The following NRIP1 variants were observed in gnomAD, a reference collection of about 807,000 sequenced individuals.
NRIP1 encodes the protein nuclear receptor interacting protein 1.
A neutral mutation model predicts 75.0 loss-of-function variants in NRIP1; 28 were observed. That is an observed-to-expected ratio of 0.37 (90% CI 0.28 to 0.51). The LOEUF (loss-of-function observed/expected upper bound fraction) is 0.51, where lower values mean the gene tolerates loss of function less well. Ranked by LOEUF, NRIP1 falls within the 20% of genes least tolerant of loss-of-function variation. The pLI is 0.92. For synonymous variants in NRIP1, 526 were observed against 487.6 expected (o/e 1.08, Z -1.04); for missense variants, 1,435 against 1,343.7 (o/e 1.07, Z -1.06).
chr21:15,001,150 T>C (rs558318598), intron 3 of NRIP1, among the ~76,000 whole-genome samples: 4 of 152,320 alleles, frequency 2.6e-5, no homozygotes, highest in South Asian at 4.1e-4. Flanking sequence ...TAAAGCTATA[T>C]ACTAGTTTCA....
intron 3 of NRIP1, chr21:15,002,288 C>T (rs1264544206): frequency 1.3e-5 from 2 of 152,178 alleles, no homozygotes; most frequent in African/African-American, 4.8e-5. Flanking sequence ...TTTTCTTTCT[C>T]CTTTGCCTTG....
In NRIP1 at chr21:14,964,434, A is replaced by G. The variant is rs1600797775; in HGVS notation, c.*282T>C. ...AGTTTTACATTTTAATTTATGCCTA[A>G]TATTTATAAAAGAATTTCATTCATA... On this transcript the variant is annotated 3_prime_UTR_variant, in exon 4 of 4. Coordinates refer to ENST00000318948, the MANE Select transcript of NRIP1 (RefSeq NM_003489.4). 3.9e-6 allele frequency: 1 copy of G among 257,500 alleles called. No individual in the cohort carries two copies. 16.0% of individuals were successfully genotyped at this position (257,500 alleles called of 1,614,324 possible).
chr21:15,008,357 T>A (rs2088022890), intron 3 of NRIP1, among the ~76,000 whole-genome samples: 1 of 144,676 alleles, frequency 6.9e-6, no homozygotes, highest in Non-Finnish European at 1.5e-5. Context: ...TTTGTGAAAC[T>A]TTTTTAAACG....
intron 2 of NRIP1, among the ~76,000 whole-genome samples, chr21:15,042,010 A>C (rs2088965843): frequency 6.6e-6 from 1 of 152,190 alleles, no homozygotes; most frequent in African/African-American, 2.4e-5. Flanking sequence ...AATAAATAAT[A>C]ATCTTAAACA....
chr21:14,977,121 A>G lies in NRIP1; in HGVS notation c.-334-8595T>C, dbSNP rs139108645. Among the ~76,000 whole-genome samples, 1,099 of 152,328 alleles carry G rather than the reference A, an allele frequency of 7.2e-3. 44 individuals carry two copies. Among genetic ancestry groups the G allele is most frequent in the Admixed American group, 0.065 (999 of 15,292 alleles). ...ATTCAAGAATAACTCCTAATGGACA[A>G]TATTATTATCTATATTCCACTGTGG... On this transcript the variant is annotated intron_variant, in intron 3 of 3. Transcript: ENST00000318948.
At chr21:15,048,255 T>C (rs1311535062) in intron 1 of NRIP1, among the ~76,000 whole-genome samples, 1 of 151,922 alleles carries the variant, frequency 6.6e-6, no homozygotes, top group Non-Finnish European at 1.5e-5. Context: ...AAACATGCTG[T>C]TGAAAAAATG....
At chr21:15,027,279 G>A (rs759040416) in intron 2 of NRIP1, among the ~76,000 whole-genome samples, 1 of 152,304 alleles carries the variant, frequency 6.6e-6, no homozygotes, top group South Asian at 2.1e-4. Context: ...CTCGATGGTA[G>A]GTTCTTGGCA....
intron 3 of NRIP1, among the ~76,000 whole-genome samples, chr21:14,999,671 G>A (rs953073829): frequency 2.6e-5 from 4 of 152,070 alleles, no homozygotes; most frequent in East Asian, 3.9e-4. Flanking sequence ...TCAGTTAAAC[G>A]AACTCTTTAT....
At chr21:15,014,590 G>A in intron 2 of NRIP1, 124 bp from the exon 3 acceptor site, 1 of 396,204 alleles carries the variant, frequency 2.5e-6, no homozygotes, top group Non-Finnish European at 4.4e-6. Flanking sequence ...GTAGTCATTT[G>A]ACAGAAAAAT....
chr21:14,987,260 A>C (rs1444174351), intron 3 of NRIP1, among the ~76,000 whole-genome samples: 1 of 152,212 alleles, frequency 6.6e-6, no homozygotes, highest in African/African-American at 2.4e-5. Context: ...CCTGGGCTGA[A>C]CAAATGTGGT....
At chr21:15,015,301 T>A (rs974261884) in intron 2 of NRIP1, among the ~76,000 whole-genome samples, 1 of 152,198 alleles carries the variant, frequency 6.6e-6, no homozygotes, top group African/African-American at 2.4e-5. Flanking sequence ...CAAAGAAATA[T>A]CATCTTAATG....
At chr21:15,062,835 A>C (rs1278220673) in intron 1 of NRIP1, among the ~76,000 whole-genome samples, 1 of 152,214 alleles carries the variant, frequency 6.6e-6, no homozygotes, top group Admixed American at 6.5e-5. Flanking sequence ...TAGTCTCTTC[A>C]CACACTTCTT....
At position 14,965,227 on chromosome 21, in the gene NRIP1, G is replaced by A. The variant is rs1476088609; in HGVS notation, c.2966C>T (p.Thr989Ile). The change falls in exon 4 of 4, where the codon ACT (threonine) becomes ATT (isoleucine). Residue 989 changes from threonine to isoleucine, a missense_variant. By Grantham distance (89) the Thr-to-Ile change is moderately conservative. Transcript: ENST00000318948. ...GTTATCCATGCAACTGCTGGGCTGA[G>A]TGGAACTGTACATCAGTCCATTTAA... ...SSLNGLMYSS[T>I]QPSSCMDNRT... The A allele has an allele frequency of 1.2e-6, 2 of 1,613,836 alleles. No homozygotes were observed. The highest frequency in any genetic ancestry group is 3.3e-5 in the Admixed American group (2 of 59,948).
chr21:14,990,979 C>T (rs2087556316), intron 3 of NRIP1, among the ~76,000 whole-genome samples: 2 of 152,178 alleles, frequency 1.3e-5, no homozygotes, highest in African/African-American at 2.4e-5. Flanking sequence ...ACGTGCTTCT[C>T]GTTTCATTTG....
chr21:15,059,469 G>T (rs921862005), intron 1 of NRIP1, among the ~76,000 whole-genome samples: 1 of 151,888 alleles, frequency 6.6e-6, no homozygotes, highest in East Asian at 1.9e-4. Context: ...TTACAAAACT[G>T]TTTACTATTA....
intron 2 of NRIP1, among the ~76,000 whole-genome samples, chr21:15,030,273 G>A (rs545471491): frequency 5.9e-5 from 9 of 152,360 alleles, no homozygotes; most frequent in African/African-American, 1.9e-4. Context: ...TTTGTTGAGT[G>A]AGAAGATACA....
chr21:15,024,055 T>C (rs2088447025), intron 2 of NRIP1, among the ~76,000 whole-genome samples: 1 of 152,248 alleles, frequency 6.6e-6, no homozygotes, highest in African/African-American at 2.4e-5. Context: ...AGGCATGTCT[T>C]TAATATTTTT....
At chr21:14,992,166 T>C (rs777283525) in intron 3 of NRIP1, 1 of 152,536 alleles carries the variant, frequency 6.6e-6, no homozygotes, top group Non-Finnish European at 1.5e-5. Flanking sequence ...GCCTCCGGAA[T>C]AGACGGGGAC....
intron 3 of NRIP1, among the ~76,000 whole-genome samples, chr21:15,011,214 G>T (rs2088092859): frequency 6.6e-6 from 1 of 151,916 alleles, no homozygotes; most frequent in Non-Finnish European, 1.5e-5. Flanking sequence ...TTTTGAGATG[G>T]AGTCTTGCTC....
Sources: gnomAD v4.1 joint callset for allele counts (sites outside exome capture counted in the v4.1 genomes callset) on GRCh38, gnomAD v4.1.1 for gene constraint, MANE v1.5 for transcripts, NCBI Gene and HGNC (gene_info 2026-07-23, HGNC 2026-07-21) for gene names.